The following GRM3 variants were observed in gnomAD, a reference collection of about 807,000 sequenced individuals.
GRM3 encodes the protein glutamate metabotropic receptor 3, also known as metabotropic glutamate receptor 3.
Under a neutral mutation model 70.5 loss-of-function variants are expected in GRM3, and 26 were observed. That is an observed-to-expected ratio of 0.37 (90% CI 0.27 to 0.51). The LOEUF (loss-of-function observed/expected upper bound fraction) is 0.51. Among genes scored for constraint, GRM3 ranks in the 20% least tolerant of loss-of-function variants. The pLI, the probability that GRM3 is intolerant of heterozygous loss-of-function variation, is 0.93. For missense variants in GRM3, 859 were observed against 1,123.8 expected (o/e 0.76, Z 3.37); for synonymous variants, 443 against 434.9 (o/e 1.02, Z -0.23).
At chr7:86,652,110 T>C (rs1433299808) in intron 1 of GRM3, among the ~76,000 whole-genome samples, 4 of 152,316 alleles carry the variant, frequency 2.6e-5, no homozygotes, top group East Asian at 3.9e-4. Flanking sequence ...TCCTTGGCTA[T>C]GGTTTCCTAA....
intron 4 of GRM3, among the ~76,000 whole-genome samples, chr7:86,840,378 T>G (rs946051685): frequency 2.2e-4 from 33 of 152,292 alleles, no homozygotes; most frequent in African/African-American, 6.7e-4. Flanking sequence ...GATAGAAACT[T>G]TCACTCATGC....
At position 86,769,096 on chromosome 7, in the gene GRM3, G is replaced by C. The variant is rs191983047; in HGVS notation, c.468+3483G>C. ...CTAACGAGGGAAACATTTTTGGAGA[G>C]AAGATTTCTCTGGGTACCTCTGATA... On this transcript the variant is annotated intron_variant, in intron 2 of 5. Transcript: ENST00000361669. Among the ~76,000 whole-genome samples the C allele has an allele frequency of 3.6e-3, 550 of 152,234 alleles. 5 individuals are homozygous for C. Among genetic ancestry groups the C allele is most frequent in the African/African-American group, 0.013 (524 of 41,558 alleles).
chr7:86,744,965 TC>T (rs1428878684), intron 1 of GRM3, among the ~76,000 whole-genome samples: 3 of 151,880 alleles, frequency 2.0e-5, no homozygotes, highest in Non-Finnish European at 2.9e-5. Context: ...CTTGCTGTAG[TC>T]AAATCTAGGT....
At chr7:86,828,486 A>G (rs1798288871) in intron 3 of GRM3, among the ~76,000 whole-genome samples, 1 of 152,240 alleles carries the variant, frequency 6.6e-6, no homozygotes, top group African/African-American at 2.4e-5. Flanking sequence ...AGCAAGTTAC[A>G]TAAGTTTTTT....
At chr7:86,790,522 A>G (rs1460644030) in intron 3 of GRM3, among the ~76,000 whole-genome samples, 1 of 152,086 alleles carries the variant, frequency 6.6e-6, no homozygotes, top group Non-Finnish European at 1.5e-5. Flanking sequence ...AATCTAAGTC[A>G]AAGTCCTTCC....
At chr7:86,758,295 C>T (rs181932823) in intron 1 of GRM3, among the ~76,000 whole-genome samples, 1 of 152,130 alleles carries the variant, frequency 6.6e-6, no homozygotes, top group South Asian at 2.1e-4. Context: ...CATTTCTGCT[C>T]CTTCACCATT....
intron 5 of GRM3, among the ~76,000 whole-genome samples, chr7:86,861,721 C>T (rs1798963098): frequency 6.6e-6 from 1 of 152,040 alleles, no homozygotes; most frequent in African/African-American, 2.4e-5. Flanking sequence ...ATGAGGTGAA[C>T]ACAAAAAGGG....
intron 1 of GRM3, among the ~76,000 whole-genome samples, chr7:86,728,256 A>T (rs987707712): frequency 6.6e-6 from 1 of 152,208 alleles, no homozygotes; most frequent in Non-Finnish European, 1.5e-5. Context: ...AATTAAGACA[A>T]CAATGTAACT....
chr7:86,789,801 A>C (rs1303718337), intron 3 of GRM3, among the ~76,000 whole-genome samples: 2 of 152,246 alleles, frequency 1.3e-5, no homozygotes, highest in Non-Finnish European at 2.9e-5. Flanking sequence ...ATTTAAAAAT[A>C]GATTAAAATA....
intron 1 of GRM3, among the ~76,000 whole-genome samples, chr7:86,672,327 A>G (rs549713882): frequency 6.6e-6 from 1 of 152,224 alleles, no homozygotes; most frequent in Non-Finnish European, 1.5e-5. Flanking sequence ...TGGCCCCTCC[A>G]CAATTGGGAT....
chr7:86,819,824 C>G (rs1178933453), intron 3 of GRM3, among the ~76,000 whole-genome samples: 1 of 152,092 alleles, frequency 6.6e-6, no homozygotes, highest in African/African-American at 2.4e-5. Context: ...AATTCTCTTT[C>G]CATTTTACAG....
In GRM3 at chr7:86,833,096, C is replaced by T. The variant is rs77123744; in HGVS notation, c.1325-5743C>T. The T allele has an allele frequency of 4.0e-3, 3,877 of 980,098 alleles. 103 individuals are homozygous for T. The African/African-American group carries it at 0.061, about 15-fold the overall frequency. The allele number at this position is 980,098 out of a possible 1,614,324, so 60.7% of individuals were successfully genotyped here. ...ATTTTTCCATTTCTGATGATGCTTA[C>T]TCCCATGGTGAGACTTAACTTGAGA... On this transcript the variant is annotated intron_variant, in intron 3 of 5. Transcript: ENST00000361669.
intron 1 of GRM3, among the ~76,000 whole-genome samples, chr7:86,660,548 T>C (rs1203884130): frequency 6.6e-6 from 1 of 152,028 alleles, no homozygotes; most frequent in Non-Finnish European, 1.5e-5. Context: ...TAAAGAAAGA[T>C]CCCTGGTGAC....
At chr7:86,785,517 T>TA (rs1010308967) in intron 2 of GRM3, among the ~76,000 whole-genome samples, 8 of 151,904 alleles carry the variant, frequency 5.3e-5, no homozygotes, top group African/African-American at 1.9e-4. Context: ...TAATTTTTTT[T>TA]AATCAAAAAT....
Position 86,864,314 on chromosome 7 carries a change from A to G in GRM3, c.2599A>G (p.Asn867Asp). The change falls in exon 6 of 6, where the codon AAT (asparagine) becomes GAT (aspartate). Residue 867 changes from asparagine to aspartate, a missense_variant. Coordinates refer to ENST00000361669, the MANE Select transcript of GRM3 (RefSeq NM_000840.3). ...SASTYVPTVC[N>D]GREVLDSTTS... ...AAGCACGTATGTGCCAACGGTGTGC[A>G]ATGGGCGGGAAGTCCTCGACTCCAC... 3.1e-6 allele frequency: 5 copies of G among 1,607,952 alleles called. No homozygotes were observed. Among genetic ancestry groups the G allele is most frequent in the Non-Finnish European group, 4.3e-6 (5 of 1,174,504 alleles).
Position 86,848,215 on chromosome 7 carries a change from A to G in GRM3, c.2392-2155A>G, listed in dbSNP as rs529988622. Among the ~76,000 whole-genome samples, 251 of 152,318 alleles carry G rather than the reference A, an allele frequency of 1.6e-3. 2 individuals are homozygous for G. Among genetic ancestry groups the G allele is most frequent in the African/African-American group, 5.9e-3 (244 of 41,576 alleles). On this transcript the variant is annotated intron_variant, in intron 4 of 5. Coordinates refer to ENST00000361669, the MANE Select transcript of GRM3 (RefSeq NM_000840.3). ...GAAATTAAAATATATAGTCCTATGT[A>G]ATGATCAAAACTGTGTCTTCACATT... is the stretch of plus-strand genomic sequence containing the variant.
chr7:86,749,552 G>T (rs78530347), intron 1 of GRM3, among the ~76,000 whole-genome samples: 1 of 152,056 alleles, frequency 6.6e-6, no homozygotes, highest in African/African-American at 2.4e-5. Context: ...AAGGCTAATG[G>T]ATGCCAGATG....
At chr7:86,646,674 C>T (rs1212315722) in intron 1 of GRM3, among the ~76,000 whole-genome samples, 1 of 152,022 alleles carries the variant, frequency 6.6e-6, no homozygotes, top group South Asian at 2.1e-4. Flanking sequence ...AAATGTGAAA[C>T]CTAAATCATA....
chr7:86,797,886 G>A (rs1231203206), intron 3 of GRM3, among the ~76,000 whole-genome samples: 1 of 152,196 alleles, frequency 6.6e-6, no homozygotes, highest in Non-Finnish European at 1.5e-5. Context: ...AGGACTCGGT[G>A]CCTGCATCCC....
Sources: gnomAD v4.1 joint callset for allele counts (sites outside exome capture counted in the v4.1 genomes callset) on GRCh38, gnomAD v4.1.1 for gene constraint, MANE v1.5 for transcripts, NCBI Gene and HGNC (gene_info 2026-07-23, HGNC 2026-07-21) for gene names.